The following ABCA8 variants were observed in gnomAD, a reference collection of about 807,000 sequenced individuals.
ABCA8 encodes ABC-type organic anion transporter ABCA8.
ABCA8 carries 177 observed loss-of-function variants against 192.3 expected under a neutral mutation model. The ratio of observed to expected loss-of-function variants is 0.92; its 90% CI spans 0.81 to 1.04. ABCA8 has a LOEUF of 1.04. Among genes scored for constraint, ABCA8 ranks in the 50% least tolerant of loss-of-function variants. The pLI, the probability that ABCA8 is intolerant of heterozygous loss-of-function variation, is 0.00. For missense variants in ABCA8, 1,915 were observed against 1,904.8 expected, an observed-to-expected ratio of 1.01 and a Z score of -0.10; for synonymous variants, 642 against 690.2, an observed-to-expected ratio of 0.93 and a Z score of 1.09.
intron 7 of ABCA8, chr17:68,931,761 C>CTTTTTTTTTTTTTT (rs71144640): frequency 4.2e-5 from 4 of 96,230 alleles, no homozygotes; most frequent in Non-Finnish European, 7.9e-5. Context: ...AATACATTTC[C>CTTTTTTTTTTTTTT]TTTTTTTTTT....
chr17:68,880,701 C>CTGTG (rs2143286239), intron 32 of ABCA8: 2 of 182,464 alleles, frequency 1.1e-5, no homozygotes, highest in East Asian at 3.2e-4. Context: ...CCACCACAAC[C>CTGTG]AGCATGCCTG....
At chr17:68,871,341 T>A (rs998301483) in intron 37 of ABCA8, among the ~76,000 whole-genome samples, 1 of 152,050 alleles carries the variant, frequency 6.6e-6, no homozygotes, top group Non-Finnish European at 1.5e-5. Context: ...GACCTAATAA[T>A]CTCTTAAAGG....
At chr17:68,874,257 G>A (rs2066144744) in intron 37 of ABCA8, among the ~76,000 whole-genome samples, 1 of 152,080 alleles carries the variant, frequency 6.6e-6, no homozygotes, top group African/African-American at 2.4e-5. Context: ...CTCAAATAGG[G>A]TAGAAATCTA....
chr17:68,917,461 A>G lies in ABCA8; in HGVS notation c.2048-10T>C, dbSNP rs774282611. ...AGAAATACTTTCCTGTCTGAAAAAGAAGAAGAGCAAAGAAGAAAGTTTGTT... is the reference window on the plus strand; with the variant it reads ...AGAAATACTTTCCTGTCTGAAAAAGGAGAAGAGCAAAGAAGAAAGTTTGTT... On this transcript the variant is annotated splice_polypyrimidine_tract_variant and intron_variant, in intron 16 of 39. Coordinates refer to ENST00000586539, the MANE Select transcript of ABCA8 (RefSeq NM_001288985.2). 6.3e-7 allele frequency: 1 copy of G among 1,587,362 alleles called. No individual in the cohort carries two copies. Among genetic ancestry groups the G allele is most frequent in the South Asian group, 1.1e-5 (1 of 88,354 alleles).
intron 9 of ABCA8, 84 bp downstream of exon 9, chr17:68,928,965 G>T: frequency 8.6e-7 from 1 of 1,169,068 alleles, no homozygotes; most frequent in Non-Finnish European, 1.1e-6. Context: ...ACAATGCTGA[G>T]TTTGTAAATG....
At position 68,869,754 on chromosome 17, in the gene ABCA8, A is replaced by T; in HGVS notation, c.4657T>A (p.Leu1553Met). ...ERYSSLMVYK[L>M]PVEDVQPLAQ... Reference sequence around the variant, plus strand: ...AAAGGTTGCACATCTTCCACTGGCAACTTATAAACCATCAGAGAGGAGTAC... The same window carrying T: ...AAAGGTTGCACATCTTCCACTGGCATCTTATAAACCATCAGAGAGGAGTAC... Residue 1553 changes from leucine (L) to methionine (M), a missense_variant, in exon 38 of 40, where the codon TTG becomes ATG. By Grantham distance (15) the Leu-to-Met change is conservative. Transcript: ENST00000586539. The T allele has an allele frequency of 6.2e-7, 1 of 1,613,098 alleles. No homozygotes were observed. The highest frequency in any genetic ancestry group is 1.3e-5 in the African/African-American group (1 of 74,992).
chr17:68,895,096 A>G (rs1598214344), intron 21 of ABCA8, 83 bp from the exon 22 acceptor site: 8 of 1,245,386 alleles, frequency 6.4e-6, no homozygotes, highest in East Asian at 5.0e-5. Flanking sequence ...AGTTAATGTC[A>G]TTATGTGAAG....
chr17:68,953,799 C>T (rs1267426199), intron 1 of ABCA8, among the ~76,000 whole-genome samples: 3 of 152,180 alleles, frequency 2.0e-5, no homozygotes, highest in Non-Finnish European at 4.4e-5. Flanking sequence ...CTTGCTGAAA[C>T]TGTGATGTGC....
Position 68,940,981 on chromosome 17 carries a change from A to T in ABCA8, c.97-19T>A. On this transcript the variant is annotated intron_variant, in intron 3 of 39. Coordinates refer to ENST00000586539, the MANE Select transcript of ABCA8 (RefSeq NM_001288985.2). ...GCCATTCCTATATAATACAGGAAAAAAGATAAAGAAAAGTCTTATTTAAAA... is the reference window on the plus strand; with the variant it reads ...GCCATTCCTATATAATACAGGAAAATAGATAAAGAAAAGTCTTATTTAAAA... The T allele has an allele frequency of 6.5e-7, 1 of 1,546,868 alleles. No homozygotes were observed. The highest frequency in any genetic ancestry group is 8.9e-7 in the Non-Finnish European group (1 of 1,128,476).
intron 33 of ABCA8, chr17:68,877,308 T>C (rs929517722): frequency 3.6e-5 from 15 of 422,056 alleles, no homozygotes; most frequent in Middle Eastern, 1.2e-3. Flanking sequence ...CATGAGCCAC[T>C]GCGCCCAGCC....
At chr17:68,907,692 G>A in intron 18 of ABCA8, 48 bp downstream of exon 18, 1 of 1,452,998 alleles carries the variant, frequency 6.9e-7, no homozygotes. Context: ...TTATGATGAT[G>A]ATGACTATTA....
intron 6 of ABCA8, 49 bp downstream of exon 6, chr17:68,933,119 T>C: frequency 1.5e-6 from 2 of 1,294,796 alleles, no homozygotes; most frequent in Non-Finnish European, 2.2e-6. Context: ...GCCTCTAATA[T>C]CATTAACTTG....
At chr17:68,868,246 G>A (rs572204805) in intron 39 of ABCA8, 55 bp downstream of exon 39, 1 of 1,607,348 alleles carries the variant, frequency 6.2e-7, no homozygotes, top group East Asian at 2.2e-5. Flanking sequence ...CAGCTCCCAG[G>A]GAATGTTTTA....
chr17:68,888,371 AT>A (rs1048762190), intron 24 of ABCA8, among the ~76,000 whole-genome samples: 1 of 152,038 alleles, frequency 6.6e-6, no homozygotes, highest in Non-Finnish European at 1.5e-5. Context: ...AGAGTTGTGA[AT>A]TTTTTTCTTT....
At chr17:68,948,703 C>T (rs147955838) in intron 2 of ABCA8, among the ~76,000 whole-genome samples, 2 of 152,128 alleles carry the variant, frequency 1.3e-5, no homozygotes, top group Admixed American at 1.3e-4. Context: ...CCTGTTCACG[C>T]TGATGATAGT....
At chr17:68,896,854 G>A (rs1017023625) in intron 21 of ABCA8, among the ~76,000 whole-genome samples, 2 of 152,188 alleles carry the variant, frequency 1.3e-5, no homozygotes, top group South Asian at 4.1e-4. Context: ...AATCTCTTCT[G>A]TAAATTGTGA....
In ABCA8 at chr17:68,935,570, T is replaced by TATATATATATATA. The variant is rs1389554406; in HGVS notation, c.466+1380_466+1381insTATATATATATAT. On this transcript the variant is annotated intron_variant, in intron 5 of 39. Transcript: ENST00000586539. ...TATATATATATATATATATATATAT[T>TATATATATATATA]ATCTTCTTTATCCAGCCCTCTGTTG... Among the ~76,000 whole-genome samples, 481 of 48,358 alleles carry TATATATATATATA rather than the reference T, an allele frequency of 9.9e-3. 7 individuals are homozygous for TATATATATATATA. Among genetic ancestry groups the TATATATATATATA allele is most frequent in the South Asian group, 0.016 (18 of 1,120 alleles). The allele number at this position is 48,358 out of a possible 152,430, so 31.7% of individuals were successfully genotyped here.
chr17:68,939,653 A>G (rs977162695), intron 4 of ABCA8, among the ~76,000 whole-genome samples: 8 of 152,172 alleles, frequency 5.3e-5, no homozygotes, highest in African/African-American at 1.9e-4. Context: ...AAAGCTGTAT[A>G]TCGGAGGGGC....
At chr17:68,917,231 T>G (rs4147991) in intron 17 of ABCA8, 130 bp downstream of exon 17, 33,112 of 566,852 alleles carry the variant, frequency 0.058, 2,801 homozygotes, top group African/African-American at 0.27. Context: ...AGATGATCGA[T>G]ACTCCGTCTC....
Sources: gnomAD v4.1 joint callset for allele counts (sites outside exome capture counted in the v4.1 genomes callset) on GRCh38, gnomAD v4.1.1 for gene constraint, MANE v1.5 for transcripts, NCBI Gene and HGNC (gene_info 2026-07-23, HGNC 2026-07-21) for gene names.